The following ARHGAP32 variants were observed in gnomAD, a reference collection of about 807,000 sequenced individuals.
ARHGAP32 encodes Rho GTPase activating protein 32, also known as rho GTPase-activating protein 32.
ARHGAP32 carries 51 observed loss-of-function variants against 186.5 expected under a neutral mutation model. The observed-to-expected ratio is 0.27, with a 90% CI of 0.22 to 0.35. The LOEUF is 0.35. ARHGAP32 is among the 10% of genes least tolerant of loss of function. The pLI is 1.00. For missense variants in ARHGAP32, 2,186 were observed against 2,623.5 expected, an observed-to-expected ratio of 0.83 and a Z score of 3.64; for synonymous variants, 950 against 964.3, an observed-to-expected ratio of 0.99 and a Z score of 0.27.
At chr11:129,222,279 T>C (rs1167375495) in intron 1 of ARHGAP32, among the ~76,000 whole-genome samples, 1 of 152,132 alleles carries the variant, frequency 6.6e-6, no homozygotes, top group Non-Finnish European at 1.5e-5. Context: ...CCAGCAAGTA[T>C]ATGAAAGCTG....
At chr11:128,981,377 G>A (rs1156819904) in intron 17 of ARHGAP32, 39 bp downstream of exon 17, 1 of 1,545,216 alleles carries the variant, frequency 6.5e-7, no homozygotes, top group African/African-American at 1.4e-5. Context: ...TGGAAGCTGA[G>A]ACACACCCTC....
intron 5 of ARHGAP32, among the ~76,000 whole-genome samples, chr11:129,097,256 G>T (rs1941756616): frequency 6.6e-6 from 1 of 152,052 alleles, no homozygotes; most frequent in South Asian, 2.1e-4. Flanking sequence ...TTGAGGCCAG[G>T]AGTTCAAGTC....
chr11:129,143,173 C>T (rs1017896994), intron 2 of ARHGAP32, among the ~76,000 whole-genome samples: 3 of 150,556 alleles, frequency 2.0e-5, no homozygotes, highest in African/African-American at 7.4e-5. Flanking sequence ...GCAGTTTAAC[C>T]ATAAGAAACA....
At chr11:129,061,286 T>C (rs1335445396) in intron 10 of ARHGAP32, among the ~76,000 whole-genome samples, 2 of 152,156 alleles carry the variant, frequency 1.3e-5, no homozygotes, top group African/African-American at 4.8e-5. Context: ...TAAAAAGTAG[T>C]TGCTAAGTCA....
intron 11 of ARHGAP32, among the ~76,000 whole-genome samples, chr11:129,018,846 A>ATG (rs1483315387): frequency 6.6e-6 from 1 of 152,178 alleles, no homozygotes; most frequent in Non-Finnish European, 1.5e-5. Flanking sequence ...TAATACAGAA[A>ATG]TATTACAAGT....
At position 129,209,446 on chromosome 11, in the gene ARHGAP32, A is replaced by C. The variant is rs187792605; in HGVS notation, c.-4-45019T>G. Among the ~76,000 whole-genome samples, 232 of 151,402 alleles carry C rather than the reference A, an allele frequency of 1.5e-3. 1 individual carries two copies. The highest frequency in any genetic ancestry group is 0.01 in the Middle Eastern group (3 of 294). On this transcript the variant is annotated intron_variant, in intron 1 of 6. Transcript: ENST00000525234. ...AAAAAAAAAGTAAGATATATAAAAA[A>C]AAGTAAATATAAAAAAAAGTAGGAT... is the stretch of plus-strand genomic sequence containing the variant.
At chr11:129,049,866 A>G (rs1939966967) in intron 10 of ARHGAP32, among the ~76,000 whole-genome samples, 2 of 152,218 alleles carry the variant, frequency 1.3e-5, no homozygotes, top group African/African-American at 2.4e-5. Flanking sequence ...ATATGGACAC[A>G]TGCTTTTTCT....
rs1213407381 is a variant in ARHGAP32, at chr11:128,966,732, GTTAC to G, written c.*2171_*2174del. 4 of 152,174 alleles carry G rather than the reference GTTAC, an allele frequency of 2.6e-5. No homozygotes were observed. The highest frequency in any genetic ancestry group is 5.9e-5 in the Non-Finnish European group (4 of 68,048). The allele number at this position is 152,174 out of a possible 1,614,324, so 9.4% of individuals were successfully genotyped here. A position where few individuals can be genotyped will look rare whatever the true frequency, so the allele number is the denominator to read the frequency against. ...CTGGGTTACTTTCTTTAGGCTCTCA[GTTAC>G]TTAAAGCCGTGTGTATCTCCTGGTC... On this transcript the variant is annotated 3_prime_UTR_variant, in exon 23 of 23. Coordinates refer to ENST00000682385, the MANE Select transcript of ARHGAP32 (RefSeq NM_001378024.1).
chr11:129,272,556 C>A (rs1471638939), intron 1 of ARHGAP32, among the ~76,000 whole-genome samples: 1 of 152,220 alleles, frequency 6.6e-6, no homozygotes, highest in Non-Finnish European at 1.5e-5. Flanking sequence ...CTAGGAAATG[C>A]AGTTTCTAGC....
chr11:128,997,222 GT>G (rs371282894), intron 12 of ARHGAP32, among the ~76,000 whole-genome samples: 1 of 151,758 alleles, frequency 6.6e-6, no homozygotes, highest in East Asian at 1.9e-4. Context: ...ATCCTCAGGG[GT>G]TTTTTTTGTT....
At chr11:129,208,630 G>A (rs540401631) in intron 1 of ARHGAP32, among the ~76,000 whole-genome samples, 2 of 151,470 alleles carry the variant, frequency 1.3e-5, no homozygotes, top group Non-Finnish European at 2.9e-5. Context: ...TCAAACAACC[G>A]GACAGTGGAT....
chr11:129,055,051 C>T (rs375891642), intron 10 of ARHGAP32, among the ~76,000 whole-genome samples: 11 of 152,202 alleles, frequency 7.2e-5, no homozygotes, highest in South Asian at 2.1e-4. Flanking sequence ...TACCCCACAA[C>T]GACTGAAACG....
intron 5 of ARHGAP32, among the ~76,000 whole-genome samples, chr11:129,121,576 T>C (rs1942530772): frequency 6.6e-6 from 1 of 152,018 alleles, no homozygotes; most frequent in Non-Finnish European, 1.5e-5. Context: ...CTATCTTCCA[T>C]ACTCCAGGCC....
intron 1 of ARHGAP32, among the ~76,000 whole-genome samples, chr11:129,170,370 CCT>C (rs1006170149): frequency 6.6e-6 from 1 of 152,102 alleles, no homozygotes; most frequent in African/African-American, 2.4e-5. Flanking sequence ...GTGTTGTTCC[CCT>C]CTCTGTGTCC....
chr11:129,134,381 T>C (rs560790933), intron 2 of ARHGAP32, among the ~76,000 whole-genome samples: 1 of 152,280 alleles, frequency 6.6e-6, no homozygotes, highest in East Asian at 1.9e-4. Flanking sequence ...CTGGAGTGCC[T>C]CACCAGCGTA....
chr11:129,226,605 A>T (rs1036441381), intron 1 of ARHGAP32, among the ~76,000 whole-genome samples: 1 of 152,200 alleles, frequency 6.6e-6, no homozygotes, highest in African/African-American at 2.4e-5. Context: ...TGTTAACAAG[A>T]CACATAAAAA....
chr11:129,180,318 T>G (rs1944028901), intron 1 of ARHGAP32, among the ~76,000 whole-genome samples: 1 of 152,160 alleles, frequency 6.6e-6, no homozygotes, highest in South Asian at 2.1e-4. Context: ...TAATCTATTG[T>G]GACAAAGTCA....
intron 1 of ARHGAP32, among the ~76,000 whole-genome samples, chr11:129,166,542 A>G (rs1430617689): frequency 6.6e-6 from 1 of 152,126 alleles, no homozygotes; most frequent in Non-Finnish European, 1.5e-5. Context: ...TCCAATAAGC[A>G]ATAATTACAA....
At chr11:129,031,015 C>T (rs1051770070) in intron 11 of ARHGAP32, among the ~76,000 whole-genome samples, 5 of 152,156 alleles carry the variant, frequency 3.3e-5, no homozygotes, top group African/African-American at 7.2e-5. Flanking sequence ...TTCTAGAAGC[C>T]GAGCAGATGC....
Sources: allele counts gnomAD v4.1 joint callset (sites outside exome capture counted in the v4.1 genomes callset), GRCh38; gene constraint gnomAD v4.1.1; transcripts MANE v1.5; gene names NCBI Gene and HGNC (gene_info 2026-07-23, HGNC 2026-07-21).